Variants in ZNF587 observed in about 807,000 individuals in gnomAD.
The protein encoded by ZNF587 is zinc finger protein 587.
Under a neutral mutation model 7.5 loss-of-function variants are expected in ZNF587, and 8 were observed. That is an observed-to-expected ratio of 1.06 (90% CI 0.62 to 1.92). The LOEUF (loss-of-function observed/expected upper bound fraction) is 1.92, where lower values mean the gene tolerates loss of function less well. ZNF587 is among the 40% of genes most tolerant of loss of function. The pLI is 0.00. For missense variants in ZNF587, 468 were observed against 692.8 expected (o/e 0.68, Z 3.64); for synonymous variants, 145 against 237.8 (o/e 0.61, Z 3.59).
intron 1 of ZNF587, among the ~76,000 whole-genome samples, chr19:57,853,505 G>A (rs542419891): frequency 2.0e-5 from 3 of 152,260 alleles, no homozygotes; most frequent in African/African-American, 7.2e-5. Context: ...TTTTCAGGGG[G>A]CAGAAAGGTG....
chr19:57,859,859 C>G lies in ZNF587; in HGVS notation c.1447C>G (p.Gln483Glu), dbSNP rs773951819. The G allele has an allele frequency of 1.9e-6, 3 of 1,613,778 alleles. No homozygotes were observed. Among genetic ancestry groups the G allele is most frequent in the Non-Finnish European group, 1.7e-6 (2 of 1,179,756 alleles). ...CAATAAGCACAGCGTGACTATACAT[C>G]AGAGGATTCACACTGGAGAAAGGCC... Reference protein sequence around the residue: ...FGNKHSVTIHQRIHTGERPYE... With the variant: ...FGNKHSVTIHERIHTGERPYE... Residue 483 changes from glutamine to glutamate, a missense_variant, in exon 3 of 3, where the codon CAG becomes GAG. Physicochemically the swap from Gln to Glu is conservative, Grantham distance 29. This residue lies in a region of ZNF587 where 310 missense variants were observed against 325.6 expected (regional missense o/e 0.95). Transcript: ENST00000339656.
rs1222649435 is a variant in ZNF587 at position 57,850,047 on chromosome 19, G to T, written c.9G>T (p.Ala3=). The T allele has an allele frequency of 1.9e-6, 3 of 1,614,254 alleles. No individual in the cohort carries two copies. Among genetic ancestry groups the T allele is most frequent in the Non-Finnish European group, 2.5e-6 (3 of 1,180,052 alleles). MA[A]AVPRRPTQQG... The stretch of plus-strand genomic sequence containing the variant: ...CTTCCCCAAGTAGTCCGATGGCAGC[G>T]GCTGTGCCGAGGCGCCCAACTCAGG... Residue 3 remains alanine, a synonymous_variant, in exon 1 of 3, where the codon GCG becomes GCT. Transcript: ENST00000339656.
At chr19:57,851,440 A>C (rs1362459241) in intron 1 of ZNF587, 1 of 152,258 alleles carries the variant, frequency 6.6e-6, no homozygotes, top group East Asian at 1.9e-4. Context: ...AAAGGTTGGA[A>C]GCAAGATGGA....
In ZNF587 at chr19:57,860,138, T is replaced by C. The variant is rs750685710; in HGVS notation, c.1726T>C (p.Ter576ArgextTer3). 4 of 1,614,026 alleles carry C rather than the reference T, an allele frequency of 2.5e-6. No homozygotes were observed. The highest frequency in any genetic ancestry group is 1.3e-5 in the African/African-American group (1 of 74,938). The change falls in exon 3 of 3, where the codon TGA becomes CGA. Residue 576 changes from the stop codon to arginine, a stop_lost. Transcript: ENST00000339656. ...GAGTTCACACAGGAGAAAGGCCTTA[T>C]GAGTGCAGTGAATATGGGAAATCGT... Reference protein sequence around the residue: ...HQSSHRRKAL* With the variant: ...HQSSHRRKALR
intron 2 of ZNF587, among the ~76,000 whole-genome samples, chr19:57,856,644 G>A (rs1386382431): frequency 5.3e-5 from 8 of 151,866 alleles, no homozygotes; most frequent in African/African-American, 1.2e-4. Flanking sequence ...TCCTGACCTC[G>A]TGATCCACCT....
intron 1 of ZNF587, among the ~76,000 whole-genome samples, chr19:57,854,361 G>T (rs2071323160): frequency 6.6e-6 from 1 of 151,806 alleles, no homozygotes; most frequent in South Asian, 2.1e-4. Flanking sequence ...AGGATGATTT[G>T]GGATTACCAC....
At chr19:57,852,884 ACT>A (rs990153127) in intron 1 of ZNF587, among the ~76,000 whole-genome samples, 1 of 96,784 alleles carries the variant, frequency 1.0e-5, no homozygotes, top group African/African-American at 4.5e-5. Flanking sequence ...ACGGAGTTTC[ACT>A]CTCTTGTCCA....
At chr19:57,852,980 G>T (rs1340914395) in intron 1 of ZNF587, among the ~76,000 whole-genome samples, 1 of 148,302 alleles carries the variant, frequency 6.7e-6, no homozygotes. Context: ...AGCCTCCTGA[G>T]TAGCTGGGAT....
chr19:57,858,342 G>C (rs1164271946), intron 2 of ZNF587: 1 of 689,470 alleles, frequency 1.5e-6, no homozygotes, highest in African/African-American at 1.8e-5. Context: ...GTTCATGCTG[G>C]TCTTGAACTT....
intron 1 of ZNF587, chr19:57,852,096 C>T (rs919194919): frequency 4.9e-5 from 18 of 364,484 alleles, no homozygotes; most frequent in Non-Finnish European, 8.3e-5. Flanking sequence ...GTCCTGACGC[C>T]ATCTACAGGT....
rs61735225 is a variant in ZNF587 at position 57,858,878 on chromosome 19, T to C, written c.466T>C (p.Ser156Pro). The change falls in exon 3 of 3, where the codon TCG becomes CCG. Residue 156 changes from serine (S) to proline (P), a missense_variant. Around this residue, in one of 5 missense-constraint regions of ZNF587, gnomAD observed 23 missense variants for 166.4 expected, o/e 0.14. Coordinates refer to ENST00000339656, the MANE Select transcript of ZNF587 (RefSeq NM_032828.4). ...KFYRKSVREASFVKKRKLRVS... is the reference protein window; with the variant it reads ...KFYRKSVREAPFVKKRKLRVS... ...CTACAGAAAGAGTGTCAGAGAAGCA[T>C]CGTTTGTAAAGAAACGTAAGCTCAG... 0.048 allele frequency: 77,774 copies of C among 1,608,148 alleles called. 2,135 individuals carry two copies. Among genetic ancestry groups the C allele is most frequent in the Non-Finnish European group, 0.055 (64,535 of 1,177,476 alleles).
At chr19:57,852,945 T>C (rs541628865) in intron 1 of ZNF587, among the ~76,000 whole-genome samples, 12 of 137,186 alleles carry the variant, frequency 8.7e-5, no homozygotes, top group Non-Finnish European at 1.5e-4. Flanking sequence ...CTTCACCTCC[T>C]GGGCTCAAGT....
intron 1 of ZNF587, chr19:57,850,394 G>A (rs980064623): frequency 6.4e-5 from 37 of 575,452 alleles, no homozygotes; most frequent in African/African-American, 6.4e-4. Context: ...AAAATTTGGC[G>A]GGTAGGGGCT....
intron 1 of ZNF587, chr19:57,850,381 T>C: frequency 1.7e-6 from 1 of 581,782 alleles, no homozygotes; most frequent in Non-Finnish European, 3.0e-6. Flanking sequence ...GATCAGAGTT[T>C]TCAAAATTTG....
Position 57,858,308 on chromosome 19 carries a change from G to A in ZNF587, c.164-268G>A, listed in dbSNP as rs556893781. The stretch of plus-strand genomic sequence containing the variant: ...CATCCAGCTAATTTTTGTATTTTTA[G>A]TAGAGATGGGGTTTCACCATGTTGT... On this transcript the variant is annotated intron_variant, in intron 2 of 2. Transcript: ENST00000339656. 1.8e-4 allele frequency: 91 copies of A among 498,160 alleles called. 2 individuals are homozygous for A. Among genetic ancestry groups the A allele is most frequent in the South Asian group, 1.7e-3 (73 of 41,924 alleles). 30.9% of individuals were successfully genotyped at this position (498,160 alleles called of 1,614,324 possible). A position where few individuals can be genotyped will look rare whatever the true frequency, so the allele number is the denominator to read the frequency against.
intron 1 of ZNF587, among the ~76,000 whole-genome samples, chr19:57,855,435 ATG>A (rs1406130586): frequency 1.3e-5 from 2 of 152,100 alleles, no homozygotes; most frequent in African/African-American, 4.8e-5. Flanking sequence ...GGCCATGGGC[ATG>A]TGTCTGTACA....
chr19:57,856,168 G>C lies in ZNF587; in HGVS notation c.98G>C (p.Ser33Thr), dbSNP rs761179433. Residue 33 changes from serine (S) to threonine (T), a missense_variant, in exon 2 of 3, where the codon AGT becomes ACT. By Grantham distance (58) the Ser-to-Thr change is moderately conservative. Coordinates refer to ENST00000339656, the MANE Select transcript of ZNF587 (RefSeq NM_032828.4). ...NFSQEEWCLL[S>T]EAQRCLYRDV... ...TCCCAGGAGGAGTGGTGTCTTCTTA[G>C]TGAGGCTCAGAGGTGCTTGTACCGT... 5.6e-6 allele frequency: 9 copies of C among 1,613,134 alleles called. No homozygotes were observed. Among genetic ancestry groups the C allele is most frequent in the Non-Finnish European group, 7.6e-6 (9 of 1,179,486 alleles).
chr19:57,851,394 A>AT (rs1238002892), intron 1 of ZNF587: 3 of 152,256 alleles, frequency 2.0e-5, no homozygotes, highest in Non-Finnish European at 2.9e-5. Flanking sequence ...TCCAAAGTTA[A>AT]TTCAGCCTAT....
chr19:57,850,393 C>T (rs969933486), intron 1 of ZNF587: 2 of 569,662 alleles, frequency 3.5e-6, no homozygotes, highest in Admixed American at 3.2e-5. Context: ...CAAAATTTGG[C>T]GGGTAGGGGC....
Sources: gnomAD v4.1 joint callset for allele counts (sites outside exome capture counted in the v4.1 genomes callset) on GRCh38, gnomAD v4.1.1 for gene constraint, gnomAD v4.1.1 regional missense constraint, MANE v1.5 for transcripts, NCBI Gene and HGNC (gene_info 2026-07-23, HGNC 2026-07-21) for gene names.